Variants in PHAF1 observed in about 807,000 individuals in gnomAD.
The protein encoded by PHAF1 is phagosome assembly factor 1.
Under a neutral mutation model 63.1 loss-of-function variants are expected in PHAF1, and 23 were observed. That is an observed-to-expected ratio of 0.36 (90% CI 0.26 to 0.52). PHAF1 has a LOEUF of 0.52. Ranked by LOEUF, PHAF1 falls within the 20% of genes least tolerant of loss-of-function variation. The pLI is 0.93. For missense variants in PHAF1, 427 were observed against 517.2 expected, an observed-to-expected ratio of 0.83 and a Z score of 1.69; for synonymous variants, 167 against 185.0, an observed-to-expected ratio of 0.90 and a Z score of 0.79.
intron 10 of PHAF1, 98 bp downstream of exon 10, chr16:67,140,692 G>A: frequency 2.1e-6 from 2 of 971,584 alleles, no homozygotes; most frequent in East Asian, 2.4e-5. Flanking sequence ...AACCATGCCT[G>A]GACATTGGGG....
chr16:67,134,576 A>T, intron 8 of PHAF1, 109 bp downstream of exon 8: 1 of 962,794 alleles, frequency 1.0e-6, no homozygotes. Context: ...CTGCTATAAT[A>T]AAATACCATA....
chr16:67,117,955 AT>A (rs558113041), intron 1 of PHAF1, among the ~76,000 whole-genome samples: 388 of 128,920 alleles, frequency 3.0e-3, no homozygotes, highest in East Asian at 0.01. Context: ...TGCCTGGCTG[AT>A]TTTTTTTTTT....
intron 4 of PHAF1, among the ~76,000 whole-genome samples, chr16:67,131,693 T>C (rs939264832): frequency 6.6e-6 from 1 of 152,198 alleles, no homozygotes; most frequent in Non-Finnish European, 1.5e-5. Context: ...ACAAACCAGA[T>C]AGGTCTGACT....
intron 3 of PHAF1, 86 bp downstream of exon 3, chr16:67,126,128 C>A: frequency 9.4e-7 from 1 of 1,060,314 alleles, no homozygotes; most frequent in Non-Finnish European, 1.4e-6. Context: ...TGAGATGTTT[C>A]AAAACTTATA....
At position 67,147,381 on chromosome 16, in the gene PHAF1, C is replaced by CCTTGA. The variant is rs1336716864; in HGVS notation, c.*251_*255dup. On this transcript the variant is annotated 3_prime_UTR_variant, in exon 16 of 16. Coordinates refer to ENST00000219139, the MANE Select transcript of PHAF1 (RefSeq NM_025187.5). ...TGCAAAGAGAAGCACAAAGTTTGAG[C>CCTTGA]CTTGATTCCTGGACCCAGGAGCTCT... The CCTTGA allele has an allele frequency of 2.0e-6, 1 of 504,144 alleles. No individual in the cohort carries two copies. The highest frequency in any genetic ancestry group is 1.9e-5 in the African/African-American group (1 of 51,744). 31.2% of individuals were successfully genotyped at this position (504,144 alleles called of 1,614,324 possible).
chr16:67,147,844 T>A lies in PHAF1; in HGVS notation c.*713T>A, dbSNP rs1012330835. Reference sequence around the variant, plus strand: ...GCATGTTTCCATCCTGTTTGCCTCTTTTATTTAATGCCAAAGTTTTAGCCA... The same window carrying A: ...GCATGTTTCCATCCTGTTTGCCTCTATTATTTAATGCCAAAGTTTTAGCCA... On this transcript the variant is annotated 3_prime_UTR_variant, in exon 16 of 16. Coordinates refer to ENST00000219139, the MANE Select transcript of PHAF1 (RefSeq NM_025187.5). The A allele has an allele frequency of 1.3e-5, 2 of 152,814 alleles. No homozygotes were observed. The highest frequency in any genetic ancestry group is 2.9e-5 in the Non-Finnish European group (2 of 68,120). The allele number at this position is 152,814 out of a possible 1,614,324, so 9.5% of individuals were successfully genotyped here.
intron 3 of PHAF1, among the ~76,000 whole-genome samples, chr16:67,128,749 A>T (rs66757569): frequency 0.26 from 39,293 of 152,080 alleles, 6,236 homozygotes; most frequent in Middle Eastern, 0.4. Context: ...CTGCTTATTG[A>T]TGCTCCTAGT....
chr16:67,120,789 G>C (rs1296628582), intron 2 of PHAF1, among the ~76,000 whole-genome samples: 1 of 152,016 alleles, frequency 6.6e-6, no homozygotes, highest in Non-Finnish European at 1.5e-5. Flanking sequence ...AGCCTACAGA[G>C]GCTAAAGGAT....
At chr16:67,121,427 C>T (rs1484303086) in intron 2 of PHAF1, among the ~76,000 whole-genome samples, 1 of 148,874 alleles carries the variant, frequency 6.7e-6, no homozygotes, top group Non-Finnish European at 1.5e-5. Context: ...TGGTCTCGAT[C>T]TCCTGACCTC....
At chr16:67,144,223 A>T in intron 10 of PHAF1, 71 bp from the exon 11 acceptor site, 2 of 1,111,066 alleles carry the variant, frequency 1.8e-6, no homozygotes, top group Non-Finnish European at 2.7e-6. Flanking sequence ...CAAGTTGGAC[A>T]TGCCTTTGGA....
Position 67,145,683 on chromosome 16 carries a change from A to G in PHAF1, c.1109+55A>G, listed in dbSNP as rs1430151854. Reference sequence around the variant, plus strand: ...CCCACCTGACTCCTCAGAGCCCAGAAAGCCCAGGGAAGCCTGGCACAGTGG... The same window carrying G: ...CCCACCTGACTCCTCAGAGCCCAGAGAGCCCAGGGAAGCCTGGCACAGTGG... On this transcript the variant is annotated intron_variant, in intron 14 of 15. Transcript: ENST00000219139. 1.2e-5 allele frequency: 19 copies of G among 1,549,572 alleles called. No individual in the cohort carries two copies. In the East Asian group the frequency reaches 4.1e-4, roughly 33 times the overall value.
rs2030211868 is a variant in PHAF1, at chr16:67,147,578, T to C, written c.*447T>C. ...AAGCAGGTAGCGTGTCCATAGTACT[T>C]GGTTGCGACATTTGCACTACATCCA... On this transcript the variant is annotated 3_prime_UTR_variant, in exon 16 of 16. Transcript: ENST00000219139. 6.2e-6 allele frequency: 1 copy of C among 161,212 alleles called. No individual in the cohort carries two copies. Among genetic ancestry groups the C allele is most frequent in the South Asian group, 1.9e-4 (1 of 5,208 alleles). The allele number at this position is 161,212 out of a possible 1,614,324, so 10.0% of individuals were successfully genotyped here. A position where few individuals can be genotyped will look rare whatever the true frequency, so the allele number is the denominator to read the frequency against.
At chr16:67,134,544 G>T (rs1963537691) in intron 8 of PHAF1, 77 bp downstream of exon 8, 3 of 1,227,716 alleles carry the variant, frequency 2.4e-6, no homozygotes, top group Admixed American at 1.7e-5. Context: ...ACGTGCTTAG[G>T]GTGTGTCTCA....
chr16:67,134,069 C>T, intron 6 of PHAF1, 99 bp from the exon 7 acceptor site: 1 of 1,035,166 alleles, frequency 9.7e-7, no homozygotes, highest in East Asian at 2.4e-5. Context: ...GACCCTTTGA[C>T]CTGAGCAGCT....
intron 1 of PHAF1, among the ~76,000 whole-genome samples, chr16:67,117,513 C>T (rs1239447357): frequency 6.6e-6 from 1 of 151,418 alleles, no homozygotes; most frequent in East Asian, 2.0e-4. Context: ...CACAGTGGCT[C>T]ATGCCTGTAA....
chr16:67,122,364 CACTTCGGGAGGGCCG>C, intron 2 of PHAF1, among the ~76,000 whole-genome samples: 1 of 152,244 alleles, frequency 6.6e-6, no homozygotes, highest in Middle Eastern at 3.4e-3. Context: ...CTAACCCCAA[CACTTCGGGAGGGCCG>C]AGGCAGGAAG....
At chr16:67,115,307 G>T (rs115992891) in intron 1 of PHAF1, among the ~76,000 whole-genome samples, 5,539 of 152,264 alleles carry the variant, frequency 0.036, 149 homozygotes, top group South Asian at 0.078. Flanking sequence ...GGTATGAGAG[G>T]CTTCATTGAA....
At chr16:67,118,820 C>T (rs1163468062) in intron 1 of PHAF1, among the ~76,000 whole-genome samples, 4 of 128,304 alleles carry the variant, frequency 3.1e-5, no homozygotes, top group South Asian at 2.5e-4. Context: ...GTCACCCAGG[C>T]GGGAGCACAG....
At position 67,120,128 on chromosome 16, in the gene PHAF1, G is replaced by T; in HGVS notation, c.81G>T (p.Gln27His). The change falls in exon 2 of 16, where the codon CAG (glutamine) becomes CAT (histidine). Residue 27 changes from glutamine (Q) to histidine (H), a missense_variant. Coordinates refer to ENST00000219139, the MANE Select transcript of PHAF1 (RefSeq NM_025187.5). ...TTATTTCAGGAATGCCTCTGGCTCA[G>T]GCAGTAGCCATTCTTCAGAAGCACT... ...WEFTLGMPLA[Q>H]AVAILQKHCR... 1 of 1,613,970 alleles carries T rather than the reference G, an allele frequency of 6.2e-7. No individual in the cohort carries two copies. Among genetic ancestry groups the T allele is most frequent in the African/African-American group, 1.3e-5 (1 of 75,056 alleles).
Sources: allele counts gnomAD v4.1 joint callset (sites outside exome capture counted in the v4.1 genomes callset), GRCh38; gene constraint gnomAD v4.1.1; transcripts MANE v1.5; gene names NCBI Gene and HGNC (gene_info 2026-07-23, HGNC 2026-07-21).